FAM186A: variants seen among roughly 807,000 people sequenced by gnomAD.
The protein encoded by FAM186A is family with sequence similarity 186 member A.
In FAM186A, 163 loss-of-function variants were observed where a neutral mutation model predicts 216.8. The ratio of observed to expected loss-of-function variants is 0.75; its 90% confidence interval spans 0.66 to 0.86. The LOEUF (loss-of-function observed/expected upper bound fraction) is 0.86. Among genes scored for constraint, FAM186A ranks in the 40% least tolerant of loss-of-function variants. The pLI, the probability that FAM186A is intolerant of heterozygous loss-of-function variation, is 0.00. For synonymous variants in FAM186A, 805 were observed against 1,025.3 expected (o/e 0.79, Z 4.10); for missense variants, 2,184 against 2,746.2 (o/e 0.80, Z 4.58).
chr12:50,355,450 C>CTTCTT lies in FAM186A; in HGVS notation c.1377_1381dup (p.Ser461LysfsTer18), dbSNP rs759698496. ...ATATACATATGTGGCTTTTTTGTGG[C>CTTCTT]TTCTTTTCCATGATTGATACTCATC... is the stretch of plus-strand genomic sequence containing the variant. On this transcript the variant is annotated frameshift_variant, in exon 4 of 8. Transcript: ENST00000327337. LOFTEE classifies it high-confidence loss of function. 53 of 1,550,888 alleles carry CTTCTT rather than the reference C, an allele frequency of 3.4e-5. No homozygotes were observed. In the South Asian group the frequency reaches 6.2e-4, roughly 18 times the overall value.
intron 1 of FAM186A, among the ~76,000 whole-genome samples, chr12:50,379,206 C>A (rs527381142): frequency 6.6e-6 from 1 of 151,884 alleles, no homozygotes; most frequent in African/African-American, 2.4e-5. Context: ...TTTGGGAGGC[C>A]GAGGTGGGTG....
At chr12:50,393,591 A>C (rs1434169048) in intron 1 of FAM186A, among the ~76,000 whole-genome samples, 4 of 151,340 alleles carry the variant, frequency 2.6e-5, no homozygotes, top group Admixed American at 6.6e-5. Context: ...TCAAGCCTGT[A>C]ATCTTAGCAC....
At chr12:50,374,772 A>C (rs1204614364) in intron 1 of FAM186A, among the ~76,000 whole-genome samples, 1 of 152,194 alleles carries the variant, frequency 6.6e-6, no homozygotes, top group African/African-American at 2.4e-5. Context: ...TAAATGTCCT[A>C]ACCAATTCAA....
At position 50,331,822 on chromosome 12, in the gene FAM186A, C is replaced by A; in HGVS notation, c.6697-1G>T. The stretch of plus-strand genomic sequence containing the variant: ...GATTCAATTCATGTATCTTTTTGAG[C>A]TATAAAAAAAAATAGATCAGAAAAA... On this transcript the variant is annotated splice_acceptor_variant, in intron 5 of 7. Transcript: ENST00000327337. LOFTEE classifies it high-confidence loss of function. 1 of 1,515,358 alleles carries A rather than the reference C, an allele frequency of 6.6e-7. No homozygotes were observed. Among genetic ancestry groups the A allele is most frequent in the Non-Finnish European group, 8.8e-7 (1 of 1,137,496 alleles). 93.9% of individuals were successfully genotyped at this position (1,515,358 alleles called of 1,614,324 possible).
Position 50,356,242 on chromosome 12 carries a change from C to A in FAM186A, c.590G>T (p.Arg197Ile), listed in dbSNP as rs375437808. Residue 197 changes from arginine (R) to isoleucine (I), a missense_variant, in exon 4 of 8, where the codon AGA becomes ATA. Physicochemically the swap from Arg to Ile is moderately conservative, Grantham distance 97 (BLOSUM62 -3). This residue lies in a region of FAM186A where 1,132 missense variants were observed against 1,263.4 expected (regional missense o/e 0.90). Transcript: ENST00000327337. ...TTTCCAAGATTTCCATAGAGTACCT[C>A]TAGATACTGAAGAACAAAACATAAA... Reference protein sequence around the residue: ...KKKQKKKILSRGTLWKSWKER... With the variant: ...KKKQKKKILSIGTLWKSWKER... The A allele has an allele frequency of 2.6e-6, 4 of 1,530,876 alleles. No homozygotes were observed. The highest frequency in any genetic ancestry group is 8.8e-7 in the Non-Finnish European group (1 of 1,139,994). The allele number at this position is 1,530,876 out of a possible 1,614,324, so 94.8% of individuals were successfully genotyped here.
chr12:50,350,848 T>C lies in FAM186A; in HGVS notation c.5984A>G (p.Asp1995Gly). 1 of 1,551,694 alleles carries C rather than the reference T, an allele frequency of 6.4e-7. No individual in the cohort carries two copies. Among genetic ancestry groups the C allele is most frequent in the Non-Finnish European group, 8.7e-7 (1 of 1,146,992 alleles). ...TKKFQMSEVS[D>G]TSEETQILRD... ...AAGTATCTGGGTTTCTTCGGAAGTG[T>C]CAGAGACCTCCGACATTTGGAACTT... is the stretch of plus-strand genomic sequence containing the variant. Residue 1995 changes from aspartate (D) to glycine (G), a missense_variant, in exon 4 of 8, where the codon GAC becomes GGC. Coordinates refer to ENST00000327337, the MANE Select transcript of FAM186A (RefSeq NM_001145475.3).
intron 5 of FAM186A, among the ~76,000 whole-genome samples, chr12:50,333,466 A>C (rs572380916): frequency 1.3e-5 from 2 of 152,224 alleles, no homozygotes; most frequent in African/African-American, 4.8e-5. Context: ...CAGGAGGTGG[A>C]GTTTGCACCG....
chr12:50,362,927 T>C (rs1943050293), intron 2 of FAM186A, among the ~76,000 whole-genome samples: 1 of 152,114 alleles, frequency 6.6e-6, no homozygotes, highest in African/African-American at 2.4e-5. Flanking sequence ...GCTGGCATGC[T>C]TTAAAAAAAG....
intron 1 of FAM186A, among the ~76,000 whole-genome samples, chr12:50,393,556 T>C (rs1490330551): frequency 6.9e-6 from 1 of 145,946 alleles, no homozygotes; most frequent in African/African-American, 2.5e-5. Context: ...AAAAAAAAAG[T>C]GTATTTTGGG....
In FAM186A at chr12:50,396,511, ATTTC is replaced by A. The variant is rs1449051779; in HGVS notation, c.-31_-28del. Reference sequence around the variant, plus strand: ...TTGAAAATGTGGGTGATTTCGTTTTATTTCTTCTTTTTCACAGAATCTACAAAAA... The same window carrying A: ...TTGAAAATGTGGGTGATTTCGTTTTATTCTTTTTCACAGAATCTACAAAAA... On this transcript the variant is annotated 5_prime_UTR_variant, in exon 1 of 8. The change abolishes the stop of an existing upstream ORF in the 5' untranslated region. Transcript: ENST00000327337. 6.6e-7 allele frequency: 1 copy of A among 1,526,122 alleles called. No individual in the cohort carries two copies. The highest frequency in any genetic ancestry group is 2.5e-5 in the East Asian group (1 of 40,668). 94.5% of individuals were successfully genotyped at this position (1,526,122 alleles called of 1,614,324 possible).
intron 1 of FAM186A, among the ~76,000 whole-genome samples, chr12:50,387,373 T>C (rs1943313874): frequency 6.6e-6 from 1 of 152,194 alleles, no homozygotes; most frequent in Non-Finnish European, 1.5e-5. Flanking sequence ...ATTGTCTCTG[T>C]TGTATACCTG....
At position 50,363,381 on chromosome 12, in the gene FAM186A, G is replaced by T. The variant is rs1943056234; in HGVS notation, c.193-17C>A. 2 of 1,534,902 alleles carry T rather than the reference G, an allele frequency of 1.3e-6. No individual in the cohort carries two copies. Among genetic ancestry groups the T allele is most frequent in the Non-Finnish European group, 1.8e-6 (2 of 1,135,680 alleles). ...ATCAATGTCCTGTCAGAATAAGAAG[G>T]GGGCATGTATTAATCTTCAGTTTGA... On this transcript the variant is annotated splice_polypyrimidine_tract_variant and intron_variant, in intron 1 of 7. Coordinates refer to ENST00000327337, the MANE Select transcript of FAM186A (RefSeq NM_001145475.3).
rs1565893046 is a variant in FAM186A, at chr12:50,373,044, AAAGAAAG to A, written c.193-9687_193-9681del. ...GAAAGAAAGAAAGAAAGAAAGAAAG[AAAGAAAG>A]AAAGAAAGAAAGAAAGAAAGAAAGA... On this transcript the variant is annotated intron_variant, in intron 1 of 7. Transcript: ENST00000327337. Among the ~76,000 whole-genome samples the A allele has an allele frequency of 6.7e-5, 10 of 150,264 alleles. No individual in the cohort carries two copies. The South Asian group carries it at 1.9e-3, about 29-fold the overall frequency.
In FAM186A at chr12:50,354,398, G is replaced by A; in HGVS notation, c.2434C>T (p.Gln812Ter). Residue 812 changes from glutamine (Q) to a stop codon, truncating the protein, a stop_gained, in exon 4 of 8, where the codon CAG (glutamine) becomes TAG (stop). Transcript: ENST00000327337. LOFTEE classifies it high-confidence loss of function. Reference protein sequence around the residue: ...ERDIPTVSTVQKDHKEKEKQR... With the variant: ...ERDIPTVSTV ...TTTTCCTTCTCCTTGTGGTCTTTCT[G>A]TACTGTTGAGACTGTTGGAATATCT... The A allele has an allele frequency of 6.4e-7, 1 of 1,551,394 alleles. No homozygotes were observed. The highest frequency in any genetic ancestry group is 8.7e-7 in the Non-Finnish European group (1 of 1,146,970).
chr12:50,346,070 G>T (rs1314979260), intron 4 of FAM186A, among the ~76,000 whole-genome samples: 3 of 148,754 alleles, frequency 2.0e-5, no homozygotes, highest in African/African-American at 7.4e-5. Flanking sequence ...TACTCAGGAG[G>T]CTGTGTAGAA....
intron 2 of FAM186A, 144 bp from the exon 3 acceptor site, chr12:50,361,070 T>C (rs1943029870): frequency 1.8e-6 from 1 of 552,236 alleles, no homozygotes; most frequent in Admixed American, 3.8e-5. Context: ...CTGAGGCTTT[T>C]CTCTATGAAG....
chr12:50,365,038 C>CAAAAAA lies in FAM186A; in HGVS notation c.193-1680_193-1675dup, dbSNP rs61497355. Among the ~76,000 whole-genome samples the CAAAAAA allele has an allele frequency of 4.2e-4, 46 of 110,500 alleles. 2 individuals are homozygous for CAAAAAA. The highest frequency in any genetic ancestry group is 2.6e-3 in the East Asian group (10 of 3,794). 72.5% of individuals were successfully genotyped at this position (110,500 alleles called of 152,430 possible). A position where few individuals can be genotyped will look rare whatever the true frequency, so the allele number is the denominator to read the frequency against. On this transcript the variant is annotated intron_variant, in intron 1 of 7. Coordinates refer to ENST00000327337, the MANE Select transcript of FAM186A (RefSeq NM_001145475.3). ...GGGCAACAAGAGTGAAACTCCGTCT[C>CAAAAAA]AAAAAAAAAAAAAAAAAAATTAACA...
chr12:50,343,288 C>T (rs1410599079), intron 4 of FAM186A, among the ~76,000 whole-genome samples: 7 of 152,132 alleles, frequency 4.6e-5, no homozygotes, highest in East Asian at 3.9e-4. Flanking sequence ...GCAATCCTCC[C>T]GCCTTAGCTT....
At chr12:50,395,300 G>A (rs1943402885) in intron 1 of FAM186A, among the ~76,000 whole-genome samples, 1 of 151,998 alleles carries the variant, frequency 6.6e-6, no homozygotes, top group Non-Finnish European at 1.5e-5. Flanking sequence ...TGTTGGCCAA[G>A]CTGGTCTAGA....
Sources: gnomAD v4.1 joint callset for allele counts (sites outside exome capture counted in the v4.1 genomes callset) on GRCh38, gnomAD v4.1.1 for gene constraint, gnomAD v4.1.1 regional missense constraint, MANE v1.5 for transcripts, NCBI Gene and HGNC (gene_info 2026-07-23, HGNC 2026-07-21) for gene names.